The following TTC6 variants were observed in gnomAD, a reference collection of about 807,000 sequenced individuals.
TTC6 encodes the protein tetratricopeptide repeat protein 6.
In TTC6, 172 loss-of-function variants were observed where a neutral mutation model predicts 210.4. The ratio of observed to expected loss-of-function variants is 0.82; its 90% CI spans 0.72 to 0.93. The LOEUF is 0.93. Ranked by LOEUF, TTC6 falls within the 40% of genes least tolerant of loss-of-function variation. TTC6 has a pLI of 0.00. For synonymous variants in TTC6, 804 were observed against 819.6 expected, an observed-to-expected ratio of 0.98 and a Z score of 0.32; for missense variants, 2,414 against 2,318.1, an observed-to-expected ratio of 1.04 and a Z score of -0.85.
At chr14:37,606,287 C>G (rs983751392) in intron 1 of TTC6, among the ~76,000 whole-genome samples, 1 of 152,110 alleles carries the variant, frequency 6.6e-6, no homozygotes, top group Admixed American at 6.5e-5. Context: ...CTCTGGCTGC[C>G]CCCTTTGCCT....
exon 1 of TTC6, chr14:37,623,003 A>G (rs1158906499): frequency 1.4e-6 from 2 of 1,460,520 alleles, no homozygotes; most frequent in Non-Finnish European, 1.8e-6. Flanking sequence ...TTACAATGGA[A>G]GTAGGTGAAC....
At chr14:37,801,928 C>G (rs1172192985) in intron 20 of TTC6, among the ~76,000 whole-genome samples, 1 of 152,046 alleles carries the variant, frequency 6.6e-6, no homozygotes, top group African/African-American at 2.4e-5. Context: ...CATTCTGTTA[C>G]AAAGATACAT....
intron 1 of TTC6, among the ~76,000 whole-genome samples, chr14:37,603,550 G>A (rs999454499): frequency 3.3e-5 from 5 of 152,178 alleles, no homozygotes; most frequent in African/African-American, 1.2e-4. Context: ...TGTGGTATAC[G>A]GTTTATGGTA....
At chr14:37,632,998 G>C (rs1377226038) in intron 1 of TTC6, among the ~76,000 whole-genome samples, 1 of 152,220 alleles carries the variant, frequency 6.6e-6, no homozygotes, top group African/African-American at 2.4e-5. Flanking sequence ...GTCCCAGGTT[G>C]ACTTCAGACT....
intron 6 of TTC6, among the ~76,000 whole-genome samples, chr14:37,716,359 T>C (rs1385049501): frequency 6.6e-6 from 1 of 152,102 alleles, no homozygotes; most frequent in Non-Finnish European, 1.5e-5. Flanking sequence ...AACTTAAATG[T>C]AAATGGTTTG....
chr14:37,753,251 G>A lies in TTC6; in HGVS notation c.3266+16G>A. The A allele has an allele frequency of 6.6e-7, 1 of 1,507,318 alleles. No homozygotes were observed. Among genetic ancestry groups the A allele is most frequent in the African/African-American group, 1.4e-5 (1 of 71,974 alleles). 93.4% of individuals were successfully genotyped at this position (1,507,318 alleles called of 1,614,324 possible). Reference sequence around the variant, plus strand: ...CTCAAGCAAGGTAAGAATGATTTTAGATGTCGTTTTAAAATTATTACTATT... The same window carrying A: ...CTCAAGCAAGGTAAGAATGATTTTAAATGTCGTTTTAAAATTATTACTATT... On this transcript the variant is annotated intron_variant, in intron 14 of 30. Transcript: ENST00000553443.
chr14:37,606,167 G>A (rs552708903), intron 1 of TTC6, among the ~76,000 whole-genome samples: 3 of 152,260 alleles, frequency 2.0e-5, no homozygotes, highest in South Asian at 4.1e-4. Flanking sequence ...ATCAATGCCA[G>A]GGAGAACCCT....
intron 14 of TTC6, among the ~76,000 whole-genome samples, chr14:37,783,023 G>A (rs553767502): frequency 7.9e-5 from 12 of 152,164 alleles, no homozygotes; most frequent in South Asian, 2.1e-4. Flanking sequence ...TGCTGGATTC[G>A]GTTTGCCAGT....
At chr14:37,656,318 G>A (rs888467299) in intron 1 of TTC6, among the ~76,000 whole-genome samples, 1 of 152,148 alleles carries the variant, frequency 6.6e-6, no homozygotes, top group African/African-American at 2.4e-5. Context: ...CAACCTTGAG[G>A]ATGCAAAGAA....
intron 5 of TTC6, among the ~76,000 whole-genome samples, chr14:37,714,236 G>A (rs2095848953): frequency 6.6e-6 from 1 of 152,158 alleles, no homozygotes; most frequent in African/African-American, 2.4e-5. Flanking sequence ...TCAGCAAGAA[G>A]GGAGAACCAT....
intron 1 of TTC6, among the ~76,000 whole-genome samples, chr14:37,630,305 A>G (rs1484074053): frequency 6.6e-6 from 1 of 152,050 alleles, no homozygotes; most frequent in Non-Finnish European, 1.5e-5. Context: ...GTTTCGAAGA[A>G]CTTATTTATT....
chr14:37,787,359 A>G (rs748439084), intron 14 of TTC6, 109 bp from the exon 17 acceptor site: 33 of 811,738 alleles, frequency 4.1e-5, no homozygotes, highest in Non-Finnish European at 5.9e-5. Context: ...TGAAGCAAGG[A>G]GAAACATTTA....
chr14:37,720,367 C>G (rs71407719), intron 6 of TTC6: 1 of 151,902 alleles, frequency 6.6e-6, no homozygotes, highest in Non-Finnish European at 1.5e-5. Context: ...CATGCCTGGG[C>G]GCTTACCTTA....
chr14:37,728,765 G>A (rs2095878865), intron 7 of TTC6, among the ~76,000 whole-genome samples: 1 of 152,056 alleles, frequency 6.6e-6, no homozygotes, highest in Non-Finnish European at 1.5e-5. Context: ...TACTGTCTGT[G>A]CTGTTTTCAG....
chr14:37,685,123 C>A (rs1352159555), intron 3 of TTC6, among the ~76,000 whole-genome samples: 1 of 152,058 alleles, frequency 6.6e-6, no homozygotes, highest in Non-Finnish European at 1.5e-5. Context: ...ATAACTGACA[C>A]AAAGCCAATA....
intron 1 of TTC6, among the ~76,000 whole-genome samples, chr14:37,626,014 G>A (rs1022645960): frequency 2.0e-5 from 3 of 152,150 alleles, no homozygotes; most frequent in Non-Finnish European, 4.4e-5. Flanking sequence ...CAAGGCATCC[G>A]TGGCTTCTAT....
intron 6 of TTC6, among the ~76,000 whole-genome samples, chr14:37,719,821 TA>T (rs2095858487): frequency 1.3e-5 from 2 of 152,156 alleles, no homozygotes; most frequent in African/African-American, 4.8e-5. Context: ...CCAAAAGCAC[TA>T]TTTGTAAAAG....
At chr14:37,628,017 C>T (rs1178672764) in intron 1 of TTC6, among the ~76,000 whole-genome samples, 1 of 152,152 alleles carries the variant, frequency 6.6e-6, no homozygotes, top group Admixed American at 6.5e-5. Flanking sequence ...GTTGCCCAGG[C>T]TGGAGTGCAA....
intron 14 of TTC6, among the ~76,000 whole-genome samples, chr14:37,760,557 A>G (rs1360690658): frequency 6.6e-6 from 1 of 152,196 alleles, no homozygotes; most frequent in Non-Finnish European, 1.5e-5. Context: ...TGTCAGGATC[A>G]GCTGCTCTCT....
Sources: allele counts gnomAD v4.1 joint callset (sites outside exome capture counted in the v4.1 genomes callset), GRCh38; gene constraint gnomAD v4.1.1; transcripts MANE v1.5; gene names NCBI Gene and HGNC (gene_info 2026-07-23, HGNC 2026-07-21).